The following KDM4D variants were observed in gnomAD, a reference collection of about 807,000 sequenced individuals.
The protein encoded by KDM4D is lysine demethylase 4D.
For synonymous variants in KDM4D, 254 were observed against 249.1 expected (o/e 1.02, Z -0.19); for missense variants, 427 against 674.8 (o/e 0.63, Z 4.07).
At chr11:94,981,086 T>C (rs1555097499) in intron 2 of KDM4D, among the ~76,000 whole-genome samples, 3 of 152,116 alleles carry the variant, frequency 2.0e-5, no homozygotes, top group Non-Finnish European at 4.4e-5. Flanking sequence ...CCTACTATTT[T>C]TAATTTGCTG....
At chr11:94,995,605 C>G (rs1482366064) in intron 2 of KDM4D, among the ~76,000 whole-genome samples, 5 of 152,098 alleles carry the variant, frequency 3.3e-5, no homozygotes, top group Admixed American at 3.3e-4. Flanking sequence ...AGTCAAAACT[C>G]AGGAAGATGT....
rs1857982780 is a variant in KDM4D at position 94,997,276 on chromosome 11, T to C, written c.-97T>C. ...TACGCTGGTAGATCCTGCTACCTCATAGATAACACCAGTCAAATTTTTTTT... is the reference window on the plus strand; with the variant it reads ...TACGCTGGTAGATCCTGCTACCTCACAGATAACACCAGTCAAATTTTTTTT... On this transcript the variant is annotated 5_prime_UTR_variant, in exon 3 of 3. Coordinates refer to ENST00000335080, the MANE Select transcript of KDM4D (RefSeq NM_018039.3). 2 of 910,842 alleles carry C rather than the reference T, an allele frequency of 2.2e-6. No individual in the cohort carries two copies. Among genetic ancestry groups the C allele is most frequent in the African/African-American group, 1.7e-5 (1 of 59,122 alleles). 56.4% of individuals were successfully genotyped at this position (910,842 alleles called of 1,614,324 possible).
intron 1 of KDM4D, among the ~76,000 whole-genome samples, chr11:94,974,540 G>T (rs1366200694): frequency 6.6e-6 from 1 of 152,014 alleles, no homozygotes; most frequent in East Asian, 1.9e-4. Context: ...ACTTTTTAAT[G>T]AAGAAAGAAA....
At chr11:94,976,073 G>C (rs939424602) in intron 2 of KDM4D, among the ~76,000 whole-genome samples, 1 of 152,112 alleles carries the variant, frequency 6.6e-6, no homozygotes, top group Non-Finnish European at 1.5e-5. Context: ...GACTTAAATG[G>C]TTTGAAAGTA....
chr11:94,980,122 C>G (rs1555097418), intron 2 of KDM4D, among the ~76,000 whole-genome samples: 1 of 152,158 alleles, frequency 6.6e-6, no homozygotes, highest in East Asian at 1.9e-4. Flanking sequence ...TTTGCCACTT[C>G]TCTGCTTCTC....
intron 2 of KDM4D, among the ~76,000 whole-genome samples, chr11:94,978,853 G>A (rs781868162): frequency 2.6e-5 from 4 of 152,132 alleles, no homozygotes; most frequent in African/African-American, 4.8e-5. Context: ...ATTATATTAC[G>A]AAGAAAAATC....
In KDM4D at chr11:94,973,743, C is replaced by CGTT. The variant is rs1164913998; in HGVS notation, c.-770_-769insGTT. ...TGAAATCAGTGCCTTAGAGTAGACC[C>CGTT]TAAACCTCATTTTATACCTTCAAGA... On this transcript the variant is annotated 5_prime_UTR_variant, in exon 1 of 3. Transcript: ENST00000335080. The CGTT allele has an allele frequency of 5.3e-5, 8 of 152,302 alleles. No individual in the cohort carries two copies. Among genetic ancestry groups the CGTT allele is most frequent in the Admixed American group, 3.9e-4 (6 of 15,286 alleles). The allele number at this position is 152,302 out of a possible 1,614,324, so 9.4% of individuals were successfully genotyped here. A position where few individuals can be genotyped will look rare whatever the true frequency, so the allele number is the denominator to read the frequency against.
Position 94,997,277 on chromosome 11 carries a change from A to G in KDM4D, c.-96A>G, listed in dbSNP as rs1274459518. On this transcript the variant is annotated 5_prime_UTR_variant, in exon 3 of 3. In the 5' UTR this introduces an upstream ATG that the reference lacks. Transcript: ENST00000335080. ...ACGCTGGTAGATCCTGCTACCTCAT[A>G]GATAACACCAGTCAAATTTTTTTTT... is the stretch of plus-strand genomic sequence containing the variant. 3.2e-6 allele frequency: 3 copies of G among 924,950 alleles called. No individual in the cohort carries two copies. Among genetic ancestry groups the G allele is most frequent in the East Asian group, 2.6e-5 (1 of 38,976 alleles). 57.3% of individuals were successfully genotyped at this position (924,950 alleles called of 1,614,324 possible).
intron 2 of KDM4D, among the ~76,000 whole-genome samples, chr11:94,992,034 C>T (rs1555098752): frequency 1.3e-5 from 2 of 151,776 alleles, no homozygotes; most frequent in Admixed American, 6.6e-5. Flanking sequence ...TTAATAACCC[C>T]CCCTCTCCGA....
At chr11:94,996,773 A>G (rs1166807498) in intron 2 of KDM4D, among the ~76,000 whole-genome samples, 2 of 152,218 alleles carry the variant, frequency 1.3e-5, no homozygotes, top group African/African-American at 2.4e-5. Context: ...GGATCACAGA[A>G]CATATGTATG....
intron 2 of KDM4D, among the ~76,000 whole-genome samples, chr11:94,982,543 TA>T (rs56220010): frequency 0.16 from 21,980 of 139,306 alleles, 1,890 homozygotes; most frequent in Middle Eastern, 0.21. Flanking sequence ...TCCCTATTTC[TA>T]AAAAAAAAAA....
Position 94,998,501 on chromosome 11 carries a change from C to G in KDM4D, c.1129C>G (p.Leu377Val), listed in dbSNP as rs1857996115. 3 of 1,612,222 alleles carry G rather than the reference C, an allele frequency of 1.9e-6. No homozygotes were observed. The highest frequency in any genetic ancestry group is 2.5e-6 in the Non-Finnish European group (3 of 1,180,024). The change falls in exon 3 of 3, where the codon CTC becomes GTC. Residue 377 changes from leucine to valine, a missense_variant. Transcript: ENST00000335080. This position sits in a 1 kb window ranked among gnomAD's most constrained non-coding sequence, Gnocchi z 6.7. ...PRRAALGLRQLPSHWARHSPW... is the reference protein window; with the variant it reads ...PRRAALGLRQVPSHWARHSPW... ...GAGAGCAGCGCTGGGCCTGAGACAA[C>G]TCCCTTCCCACTGGGCCCGGCATTC... is the stretch of plus-strand genomic sequence containing the variant.
chr11:94,984,913 C>CT (rs1857872219), intron 2 of KDM4D, among the ~76,000 whole-genome samples: 1 of 151,962 alleles, frequency 6.6e-6, no homozygotes, highest in Non-Finnish European at 1.5e-5. Context: ...GATGGACACC[C>CT]AAACATGGAC....
At chr11:94,994,282 A>G (rs1555099003) in intron 2 of KDM4D, among the ~76,000 whole-genome samples, 1 of 152,206 alleles carries the variant, frequency 6.6e-6, no homozygotes, top group African/African-American at 2.4e-5. Context: ...TAGTTTCAGG[A>G]GAAAGATCAT....
At chr11:94,988,677 G>T (rs1439515639) in intron 2 of KDM4D, among the ~76,000 whole-genome samples, 2 of 152,176 alleles carry the variant, frequency 1.3e-5, no homozygotes, top group African/African-American at 4.8e-5. Context: ...TCTAACTATT[G>T]TTTGTTGGGT....
At chr11:94,983,469 A>G (rs1555097794) in intron 2 of KDM4D, among the ~76,000 whole-genome samples, 2 of 152,104 alleles carry the variant, frequency 1.3e-5, no homozygotes, top group African/African-American at 4.8e-5. Context: ...ACTACATTTA[A>G]TTTTTTCAAA....
intron 2 of KDM4D, among the ~76,000 whole-genome samples, chr11:94,986,588 CCT>C (rs1309985759): frequency 3.3e-5 from 5 of 152,038 alleles, no homozygotes; most frequent in African/African-American, 1.2e-4. Flanking sequence ...AGAGTGAGAC[CCT>C]GTCTTAAAAA....
intron 2 of KDM4D, among the ~76,000 whole-genome samples, chr11:94,981,784 C>A (rs1224869558): frequency 6.6e-6 from 1 of 151,432 alleles, no homozygotes; most frequent in Non-Finnish European, 1.5e-5. Flanking sequence ...TTAAAAAAGC[C>A]CAACTTTTGG....
rs193172320 is a variant in KDM4D at position 94,991,615 on chromosome 11, G to T, written c.-349-5409G>T. ...ATTGGAGAAATGAAAAAGACAAAGA[G>T]AAAGGAAGTTTAGAGATAAAGATGA... On this transcript the variant is annotated intron_variant, in intron 2 of 2. Transcript: ENST00000335080. Among the ~76,000 whole-genome samples, 963 of 151,668 alleles carry T rather than the reference G, an allele frequency of 6.3e-3. 14 individuals carry two copies. The highest frequency in any genetic ancestry group is 0.022 in the African/African-American group (915 of 41,402).
Sources: gnomAD v4.1 joint callset for allele counts (sites outside exome capture counted in the v4.1 genomes callset) on GRCh38, gnomAD v4.1.1 for gene constraint, Gnocchi (gnomAD v3.1) non-coding constraint, MANE v1.5 for transcripts, NCBI Gene and HGNC (gene_info 2026-07-23, HGNC 2026-07-21) for gene names.